NAP1L4: variants seen among roughly 807,000 people sequenced by gnomAD.
NAP1L4 encodes the protein nucleosome assembly protein 1-like 4.
In NAP1L4, 15 loss-of-function variants were observed where a neutral mutation model predicts 58.2. The ratio of observed to expected loss-of-function variants is 0.26; its 90% CI spans 0.17 to 0.40. The LOEUF (loss-of-function observed/expected upper bound fraction) is 0.40, where lower values mean the gene tolerates loss of function less well. Among genes scored for constraint, NAP1L4 ranks in the 10% least tolerant of loss-of-function variants. The pLI, the probability that NAP1L4 is intolerant of heterozygous loss-of-function variation, is 1.00. For missense variants in NAP1L4, 384 were observed against 451.1 expected, an observed-to-expected ratio of 0.85 and a Z score of 1.35; for synonymous variants, 171 against 155.6, an observed-to-expected ratio of 1.10 and a Z score of -0.74.
rs1348354141 is a variant in NAP1L4 at position 2,950,925 on chromosome 11, C to T, written c.1122+334G>A. On this transcript the variant is annotated intron_variant, in intron 14 of 15. Coordinates refer to ENST00000380542, the MANE Select transcript of NAP1L4 (RefSeq NM_005969.4). ...TCTTTGCACCTTTTCCAAACACGCACAAAGAAAAGTTTATTTATGTTGTCA... is the reference window on the plus strand; with the variant it reads ...TCTTTGCACCTTTTCCAAACACGCATAAAGAAAAGTTTATTTATGTTGTCA... 1.2e-5 allele frequency: 3 copies of T among 242,760 alleles called. No homozygotes were observed. The East Asian group carries it at 2.5e-4, about 20-fold the overall frequency. 15.0% of individuals were successfully genotyped at this position (242,760 alleles called of 1,614,324 possible). A position where few individuals can be genotyped will look rare whatever the true frequency, so the allele number is the denominator to read the frequency against.
intron 9 of NAP1L4, chr11:2,958,835 G>C (rs2038638459): frequency 2.7e-6 from 1 of 371,736 alleles, no homozygotes; most frequent in Admixed American, 4.4e-5. Flanking sequence ...CTGTGGCAAA[G>C]CCCCGTCAAG....
chr11:2,988,312 T>C (rs184155752), intron 1 of NAP1L4, among the ~76,000 whole-genome samples: 1 of 152,332 alleles, frequency 6.6e-6, no homozygotes, highest in East Asian at 1.9e-4. Flanking sequence ...AAAGATCTTG[T>C]CATCTTGTCA....
At chr11:2,980,344 T>C (rs1848230821) in intron 1 of NAP1L4, among the ~76,000 whole-genome samples, 1 of 152,116 alleles carries the variant, frequency 6.6e-6, no homozygotes, top group Non-Finnish European at 1.5e-5. Context: ...CAGGCCACCA[T>C]GCCCAGCTAA....
chr11:2,979,124 C>T, intron 2 of NAP1L4, 83 bp downstream of exon 2: 1 of 1,385,006 alleles, frequency 7.2e-7, no homozygotes, highest in Non-Finnish European at 1.0e-6. Flanking sequence ...AACTTTGATT[C>T]TAATTATTTA....
Position 2,959,919 on chromosome 11 carries a change from G to A in NAP1L4, c.607-10C>T. 6.2e-7 allele frequency: 1 copy of A among 1,613,090 alleles called. No individual in the cohort carries two copies. The highest frequency in any genetic ancestry group is 8.5e-7 in the Non-Finnish European group (1 of 1,179,442). ...ACTCTAACACAAAAGACTAAAAGTA[G>A]AAATTCAGAGTAAGCACCAGTTAAA... is the stretch of plus-strand genomic sequence containing the variant. On this transcript the variant is annotated splice_polypyrimidine_tract_variant and intron_variant, in intron 8 of 15. Coordinates refer to ENST00000380542, the MANE Select transcript of NAP1L4 (RefSeq NM_005969.4). The surrounding 1 kb of genome is among the most constrained non-coding windows in gnomAD (Gnocchi z 4.9).
chr11:2,991,226 C>A, intron 1 of NAP1L4: 1 of 435,862 alleles, frequency 2.3e-6, no homozygotes, highest in South Asian at 1.6e-5. Flanking sequence ...ACATGTCTGC[C>A]TCCTGCCCCG....
chr11:2,947,733 T>C (rs574644392), intron 15 of NAP1L4, among the ~76,000 whole-genome samples: 2 of 151,592 alleles, frequency 1.3e-5, no homozygotes, highest in Admixed American at 1.3e-4. Context: ...GGAGGAGGAG[T>C]TGGCATTTTA....
Position 2,959,707 on chromosome 11 carries a change from CAA to C in NAP1L4, c.746+61_746+62del. ...TATTCCTTACTTCTATCTTACCCAT[CAA>C]GTTACAAAATTATCTTTTGATTTTG... On this transcript the variant is annotated intron_variant, in intron 9 of 15. Coordinates refer to ENST00000380542, the MANE Select transcript of NAP1L4 (RefSeq NM_005969.4). This position sits in a 1 kb window ranked among gnomAD's most constrained non-coding sequence, Gnocchi z 4.9. 2 of 1,588,744 alleles carry C rather than the reference CAA, an allele frequency of 1.3e-6. No individual in the cohort carries two copies. Among genetic ancestry groups the C allele is most frequent in the South Asian group, 2.2e-5 (2 of 89,358 alleles).
At chr11:2,990,149 T>A (rs7935248) in intron 1 of NAP1L4, 43,898 of 151,768 alleles carry the variant, frequency 0.29, 7,173 homozygotes, top group African/African-American at 0.44. Context: ...ATATGACATA[T>A]AGGCACAAAT....
chr11:2,972,401 G>GA lies in NAP1L4; in HGVS notation c.174-159dup, dbSNP rs1182935010. On this transcript the variant is annotated intron_variant, in intron 4 of 15. Coordinates refer to ENST00000380542, the MANE Select transcript of NAP1L4 (RefSeq NM_005969.4). Reference sequence around the variant, plus strand: ...TAAGAAAAGGACAATACCCCAACAGGAAAAAAAGGATACAGGAGGAAGCAG... The same window carrying GA: ...TAAGAAAAGGACAATACCCCAACAGGAAAAAAAAGGATACAGGAGGAAGCAG... The GA allele has an allele frequency of 8.4e-6, 4 of 478,030 alleles. No homozygotes were observed. In the East Asian group the frequency reaches 1.1e-4, roughly 13 times the overall value. 29.6% of individuals were successfully genotyped at this position (478,030 alleles called of 1,614,324 possible). A position where few individuals can be genotyped will look rare whatever the true frequency, so the allele number is the denominator to read the frequency against.
intron 10 of NAP1L4, chr11:2,958,135 G>A: frequency 4.7e-6 from 3 of 639,426 alleles, no homozygotes; most frequent in Non-Finnish European, 8.7e-6. Context: ...GCAAGTTTTT[G>A]CCTGGGCTAC....
chr11:2,962,177 T>C (rs1846964828), intron 8 of NAP1L4, among the ~76,000 whole-genome samples: 1 of 152,232 alleles, frequency 6.6e-6, no homozygotes, highest in African/African-American at 2.4e-5. Context: ...GAACCTAAAC[T>C]AAGGAAACCA....
At position 2,946,843 on chromosome 11, in the gene NAP1L4, G is replaced by T. The variant is rs2133888274; in HGVS notation, c.*33-1197C>A. Among the ~76,000 whole-genome samples, 1 of 152,294 alleles carries T rather than the reference G, an allele frequency of 6.6e-6. No individual in the cohort carries two copies. Among genetic ancestry groups the T allele is most frequent in the African/African-American group, 2.4e-5 (1 of 41,564 alleles). On this transcript the variant is annotated intron_variant, in intron 15 of 15. Coordinates refer to ENST00000380542, the MANE Select transcript of NAP1L4 (RefSeq NM_005969.4). This position sits in a 1 kb window ranked among gnomAD's most constrained non-coding sequence, Gnocchi z 4.8. ...TCTGACATTCAAGGGTAGACTGAAG[G>T]TGGCCCAGTGTAGTGGCCAAGAACA...
intron 3 of NAP1L4, 136 bp downstream of exon 3, chr11:2,978,148 G>C: frequency 1.3e-6 from 1 of 756,490 alleles, no homozygotes; most frequent in South Asian, 1.8e-5. Flanking sequence ...ATGAGATACT[G>C]ATTTTTCATT....
At chr11:2,978,482 G>C in intron 2 of NAP1L4, 140 bp from the exon 3 acceptor site, 1 of 673,632 alleles carries the variant, frequency 1.5e-6, no homozygotes, top group South Asian at 1.9e-5. Flanking sequence ...AACTACCAAT[G>C]TGCATGTTAT....
intron 4 of NAP1L4, among the ~76,000 whole-genome samples, chr11:2,974,742 A>AAAAAC (rs549393074): frequency 3.3e-5 from 5 of 152,222 alleles, no homozygotes; most frequent in East Asian, 1.9e-4. Flanking sequence ...CTAAAAATAC[A>AAAAAC]AAAACAAAAC....
chr11:2,954,349 A>G lies in NAP1L4; in HGVS notation c.1035+178T>C. 1 of 925,086 alleles carries G rather than the reference A, an allele frequency of 1.1e-6. No homozygotes were observed. Among genetic ancestry groups the G allele is most frequent in the Non-Finnish European group, 1.7e-6 (1 of 593,706 alleles). The allele number at this position is 925,086 out of a possible 1,614,324, so 57.3% of individuals were successfully genotyped here. A position where few individuals can be genotyped will look rare whatever the true frequency, so the allele number is the denominator to read the frequency against. On this transcript the variant is annotated intron_variant, in intron 12 of 15. Coordinates refer to ENST00000380542, the MANE Select transcript of NAP1L4 (RefSeq NM_005969.4). This position sits in a 1 kb window ranked among gnomAD's most constrained non-coding sequence, Gnocchi z 4.8. ...CTGCTTTTCCTGCTCTGTTCCTCAG[A>G]CTTCTCCTCTTCAAGCGTATTCCCC...
chr11:2,964,337 C>T (rs978833450), intron 8 of NAP1L4, among the ~76,000 whole-genome samples: 8 of 152,226 alleles, frequency 5.3e-5, no homozygotes, highest in African/African-American at 1.9e-4. Flanking sequence ...GACAGCACCA[C>T]TACAGCCCAG....
Position 2,955,335 on chromosome 11 carries a change from T to C in NAP1L4, c.915+409A>G, listed in dbSNP as rs1336140613. 6.6e-6 allele frequency among the ~76,000 whole-genome samples: 1 copy of C among 152,104 alleles called. No individual in the cohort carries two copies. Among genetic ancestry groups the C allele is most frequent in the Non-Finnish European group, 1.5e-5 (1 of 68,030 alleles). On this transcript the variant is annotated intron_variant, in intron 11 of 15. Coordinates refer to ENST00000380542, the MANE Select transcript of NAP1L4 (RefSeq NM_005969.4). The surrounding 1 kb of genome is among the most constrained non-coding windows in gnomAD (Gnocchi z 4.2). ...CTTGAGCCTCCTGAGTAGCTGAGAT[T>C]ACAGGCGCTGCCACCGTGTCCAACT...
Sources: gnomAD v4.1 joint callset for allele counts (sites outside exome capture counted in the v4.1 genomes callset) on GRCh38, gnomAD v4.1.1 for gene constraint, Gnocchi (gnomAD v3.1) non-coding constraint, MANE v1.5 for transcripts, NCBI Gene and HGNC (gene_info 2026-07-23, HGNC 2026-07-21) for gene names.